Variants in EXOC2 observed in about 807,000 individuals in gnomAD.
EXOC2 encodes the protein SEC5-like 1.
EXOC2 carries 70 observed loss-of-function variants against 131.8 expected under a neutral mutation model. The observed-to-expected ratio is 0.53, with a 90% CI of 0.44 to 0.65. The LOEUF is 0.65. EXOC2 is among the 30% of genes least tolerant of loss of function. The pLI is 0.00. For synonymous variants in EXOC2, 411 were observed against 398.4 expected (o/e 1.03, Z -0.38); for missense variants, 923 against 1,108.6 (o/e 0.83, Z 2.38).
chr6:645,710 G>A (rs1425171522), intron 1 of EXOC2, among the ~76,000 whole-genome samples: 2 of 152,188 alleles, frequency 1.3e-5, no homozygotes, highest in African/African-American at 4.8e-5. Context: ...GTGTGCAAGT[G>A]TGTATTTTCT....
At chr6:610,738 T>C (rs948191118) in intron 6 of EXOC2, among the ~76,000 whole-genome samples, 9 of 152,254 alleles carry the variant, frequency 5.9e-5, no homozygotes, top group Non-Finnish European at 1.0e-4. Flanking sequence ...GCACTATGAA[T>C]ACACACTCAA....
chr6:536,422 G>A (rs1766448468), intron 22 of EXOC2, among the ~76,000 whole-genome samples: 1 of 151,950 alleles, frequency 6.6e-6, no homozygotes, highest in Non-Finnish European at 1.5e-5. Context: ...ATCTCTAATG[G>A]AAACTACAAA....
At chr6:640,214 TC>T (rs1020407092) in intron 1 of EXOC2, among the ~76,000 whole-genome samples, 2 of 152,194 alleles carry the variant, frequency 1.3e-5, no homozygotes, top group African/African-American at 2.4e-5. Flanking sequence ...GTCTAGTTTC[TC>T]CGTAGGTAAG....
At chr6:687,847 G>A (rs948269296) in intron 1 of EXOC2, among the ~76,000 whole-genome samples, 6 of 152,210 alleles carry the variant, frequency 3.9e-5, no homozygotes, top group African/African-American at 1.2e-4. Flanking sequence ...AAGTGAAAAA[G>A]AGAGGAATTT....
chr6:641,609 G>A (rs1364234684), intron 1 of EXOC2, among the ~76,000 whole-genome samples: 4 of 152,096 alleles, frequency 2.6e-5, no homozygotes, highest in African/African-American at 4.8e-5. Flanking sequence ...AAAAAAGGAA[G>A]TCCAGAAAAA....
At chr6:592,700 A>G in intron 10 of EXOC2, 113 bp from the exon 11 acceptor site, 3 of 696,450 alleles carry the variant, frequency 4.3e-6, no homozygotes, top group Non-Finnish European at 7.3e-6. Context: ...GTCAAATATT[A>G]GTCTTTAATA....
chr6:649,430 C>T (rs1160134798), intron 1 of EXOC2, among the ~76,000 whole-genome samples: 1 of 152,158 alleles, frequency 6.6e-6, no homozygotes, highest in African/African-American at 2.4e-5. Flanking sequence ...AGATGGGCTA[C>T]AAATTATTAC....
intron 1 of EXOC2, among the ~76,000 whole-genome samples, chr6:687,297 C>G (rs577956351): frequency 6.7e-6 from 1 of 150,096 alleles, no homozygotes; most frequent in Non-Finnish European, 1.5e-5. Flanking sequence ...CCTCCCACTT[C>G]AGCCTCCTGA....
intron 23 of EXOC2, among the ~76,000 whole-genome samples, chr6:527,513 C>T (rs79815996): frequency 0.03 from 4,498 of 152,358 alleles, 124 homozygotes; most frequent in South Asian, 0.12. Context: ...CTGCTTGGCA[C>T]ACTGCCTGGA....
chr6:581,114 T>G (rs907273048), intron 11 of EXOC2, among the ~76,000 whole-genome samples: 12 of 151,498 alleles, frequency 7.9e-5, no homozygotes, highest in African/African-American at 2.9e-4. Flanking sequence ...ACCAACATGG[T>G]GAAACCCCCA....
At chr6:659,379 A>G (rs766371380) in intron 1 of EXOC2, among the ~76,000 whole-genome samples, 1 of 152,148 alleles carries the variant, frequency 6.6e-6, no homozygotes, top group Non-Finnish European at 1.5e-5. Context: ...ACTGCCCTCC[A>G]TGGAATTTTA....
intron 1 of EXOC2, among the ~76,000 whole-genome samples, chr6:645,963 G>A (rs926585435): frequency 2.0e-5 from 3 of 152,176 alleles, no homozygotes; most frequent in African/African-American, 7.2e-5. Context: ...CAGACAATCT[G>A]AGAACCAAAA....
At chr6:630,572 A>C (rs1429258597) in intron 3 of EXOC2, among the ~76,000 whole-genome samples, 1 of 152,242 alleles carries the variant, frequency 6.6e-6, no homozygotes, top group Non-Finnish European at 1.5e-5. Context: ...ACCTAAGGAC[A>C]TTTCACTACA....
rs1764534183 is a variant in EXOC2, at chr6:506,232, T to G, written c.2381-6532A>C. On this transcript the variant is annotated intron_variant, in intron 23 of 27. Transcript: ENST00000230449. The surrounding 1 kb of genome is among the most constrained non-coding windows in gnomAD (Gnocchi z 4.4). The stretch of plus-strand genomic sequence containing the variant: ...AATATACTGAAATAATGTCATTAGG[T>G]ATTTGCTGAATGCTCCGCACGTGCT... 6.6e-6 allele frequency among the ~76,000 whole-genome samples: 1 copy of G among 152,226 alleles called. No individual in the cohort carries two copies. Among genetic ancestry groups the G allele is most frequent in the Non-Finnish European group, 1.5e-5 (1 of 68,040 alleles).
chr6:589,406 C>T (rs1215784875), intron 11 of EXOC2, among the ~76,000 whole-genome samples: 2 of 152,090 alleles, frequency 1.3e-5, no homozygotes, highest in East Asian at 3.9e-4. Context: ...GTCTGGAACG[C>T]GTCTCAATGC....
chr6:672,065 T>C (rs142205058), intron 1 of EXOC2, among the ~76,000 whole-genome samples: 1 of 152,334 alleles, frequency 6.6e-6, no homozygotes, highest in East Asian at 1.9e-4. Context: ...GTTCCCACTA[T>C]ACATACATTA....
chr6:667,940 T>G (rs953114579), intron 1 of EXOC2, among the ~76,000 whole-genome samples: 4 of 152,176 alleles, frequency 2.6e-5, no homozygotes, highest in Non-Finnish European at 5.9e-5. Flanking sequence ...ATTCTGTTTC[T>G]CTGGAAAGCC....
intron 4 of EXOC2, among the ~76,000 whole-genome samples, chr6:626,562 C>G (rs893493697): frequency 1.3e-5 from 2 of 152,140 alleles, no homozygotes; most frequent in Non-Finnish European, 2.9e-5. Flanking sequence ...AATCTGATAA[C>G]TCACTAGGAC....
intron 23 of EXOC2, among the ~76,000 whole-genome samples, chr6:527,319 A>G (rs1347375261): frequency 1.3e-5 from 2 of 152,262 alleles, no homozygotes; most frequent in Non-Finnish European, 2.9e-5. Context: ...TACAGGATGC[A>G]AGAGATAACC....
Sources: gnomAD v4.1 joint callset for allele counts (sites outside exome capture counted in the v4.1 genomes callset) on GRCh38, gnomAD v4.1.1 for gene constraint, Gnocchi (gnomAD v3.1) non-coding constraint, MANE v1.5 for transcripts, NCBI Gene and HGNC (gene_info 2026-07-23, HGNC 2026-07-21) for gene names.